Variants in UNC13C observed in about 807,000 individuals in gnomAD.
UNC13C encodes the protein protein unc-13 homolog C.
UNC13C carries 174 observed loss-of-function variants against 245.4 expected under a neutral mutation model. The observed-to-expected ratio is 0.71, with a 90% confidence interval of 0.63 to 0.80. UNC13C has a LOEUF of 0.80. Among genes scored for constraint, UNC13C ranks in the 30% least tolerant of loss-of-function variants. The probability of loss-of-function intolerance (pLI) is 0.00; values close to 1 mark genes in which losing one functional copy is unlikely to be tolerated. For missense variants in UNC13C, 2,829 were observed against 2,602.9 expected (o/e 1.09, Z -1.89); for synonymous variants, 992 against 895.1 (o/e 1.11, Z -1.93).
intron 5 of UNC13C, 35 bp from the exon 6 acceptor site, chr15:54,236,395 T>A: frequency 6.4e-7 from 1 of 1,552,362 alleles, no homozygotes; most frequent in Non-Finnish European, 8.8e-7. Flanking sequence ...TCTAATTATT[T>A]ACATTTTGTT....
the UNC13C span, among the ~76,000 whole-genome samples, chr15:53,861,373 T>C: frequency 6.6e-6 from 1 of 152,200 alleles, no homozygotes; most frequent in Non-Finnish European, 1.5e-5. Flanking sequence ...TAAAAGATAA[T>C]GGTATTAAAT....
rs781435801 is a variant in UNC13C at position 54,494,612 on chromosome 15, T to C, written c.4938T>C (p.His1646=). The C allele has an allele frequency of 3.0e-5, 49 of 1,607,008 alleles. 3 individuals carry two copies. In the South Asian group the frequency reaches 5.5e-4, roughly 18 times the overall value. The change falls in exon 20 of 33, where the codon CAT becomes CAC. Residue 1646 remains histidine, a synonymous_variant. Coordinates refer to ENST00000260323, the MANE Select transcript of UNC13C (RefSeq NM_001080534.3). ...ATTTAATTTTATCTGTTATAGAACA[T>C]GAAAATCAGCGGTTATGCAAGAGCA... The part of the protein sequence containing the change: ...ALDMKYALEE[H]ENQRLCKSTD...
At chr15:54,508,252 CT>C (rs1447356259) in intron 23 of UNC13C, among the ~76,000 whole-genome samples, 1 of 150,292 alleles carries the variant, frequency 6.7e-6, no homozygotes. Flanking sequence ...AAAACAGTAT[CT>C]GATAATTTCA....
At chr15:53,917,088 C>T in the UNC13C span, among the ~76,000 whole-genome samples, 1 of 152,158 alleles carries the variant, frequency 6.6e-6, no homozygotes, top group Non-Finnish European at 1.5e-5. Context: ...TATGACAGTC[C>T]AATCCTGGTG....
At chr15:54,617,547 C>A (rs1267183414) in intron 30 of UNC13C, among the ~76,000 whole-genome samples, 1 of 152,016 alleles carries the variant, frequency 6.6e-6, no homozygotes, top group Non-Finnish European at 1.5e-5. Flanking sequence ...CTTACAAGAT[C>A]TTATACCTGA....
intron 2 of UNC13C, among the ~76,000 whole-genome samples, chr15:54,076,380 T>G (rs1183065600): frequency 1.3e-5 from 2 of 151,328 alleles, no homozygotes; most frequent in Non-Finnish European, 2.9e-5. Context: ...GTTCTTGCGA[T>G]AGTTTACTGA....
intron 17 of UNC13C, among the ~76,000 whole-genome samples, chr15:54,353,055 G>T (rs185470001): frequency 6.6e-6 from 1 of 151,984 alleles, no homozygotes; most frequent in Admixed American, 6.6e-5. Context: ...ACAGGAAAAA[G>T]GATTTAAATG....
At chr15:54,618,961 AT>A (rs1281023681) in intron 30 of UNC13C, among the ~76,000 whole-genome samples, 2 of 152,208 alleles carry the variant, frequency 1.3e-5, no homozygotes, top group East Asian at 3.9e-4. Context: ...ATACAGGGAA[AT>A]TTAAAATACA....
chr15:54,035,297 T>A (rs541590627), intron 2 of UNC13C, among the ~76,000 whole-genome samples: 11 of 152,368 alleles, frequency 7.2e-5, no homozygotes, highest in Middle Eastern at 3.4e-3. Flanking sequence ...CAGAATAGCA[T>A]GTTACATGAT....
the UNC13C span, among the ~76,000 whole-genome samples, chr15:53,862,329 G>A: frequency 6.6e-6 from 1 of 151,982 alleles, no homozygotes; most frequent in Non-Finnish European, 1.5e-5. Context: ...AAAATTACAA[G>A]TTTTTTTCTA....
chr15:54,297,888 G>T lies in UNC13C; in HGVS notation c.4066G>T (p.Val1356Phe), dbSNP rs576816444. Residue 1356 changes from valine (V) to phenylalanine (F), a missense_variant, in exon 12 of 33, where the codon GTT becomes TTT. Transcript: ENST00000260323. The part of the protein sequence containing the change: ...INVEIKGEEK[V>F]APYHIQYTCL... ...TGTGGAGATAAAAGGAGAAGAGAAGGTTGCTCCATATCATATTCAATATAC... is the reference window on the plus strand; with the variant it reads ...TGTGGAGATAAAAGGAGAAGAGAAGTTTGCTCCATATCATATTCAATATAC... 1.9e-6 allele frequency: 3 copies of T among 1,608,898 alleles called. No homozygotes were observed. In the African/African-American group the frequency reaches 4.0e-5, roughly 21 times the overall value.
the UNC13C span, among the ~76,000 whole-genome samples, chr15:53,857,150 T>C: frequency 8.3e-4 from 126 of 152,222 alleles, no homozygotes; most frequent in Non-Finnish European, 1.2e-3. Flanking sequence ...ACTTTCCTTT[T>C]TGTGCCCATG....
At chr15:54,257,069 G>T (rs1465873484) in intron 8 of UNC13C, among the ~76,000 whole-genome samples, 1 of 152,204 alleles carries the variant, frequency 6.6e-6, no homozygotes, top group Non-Finnish European at 1.5e-5. Context: ...CTAGAAGTCA[G>T]AGTCTAGTTA....
chr15:53,873,921 TTTCTTCCTTCCTTCCTTCCTTCC>T, the UNC13C span, among the ~76,000 whole-genome samples: 4 of 20,386 alleles, frequency 2.0e-4, no homozygotes, highest in Admixed American at 1.6e-3. Flanking sequence ...CCTTCCTTCC[TTTCTTCCTTCCTTCCTTCCTTCC>T]TTCCTTCCTT....
At chr15:54,212,189 A>T (rs2034901197) in intron 4 of UNC13C, among the ~76,000 whole-genome samples, 1 of 152,094 alleles carries the variant, frequency 6.6e-6, no homozygotes, top group Admixed American at 6.6e-5. Flanking sequence ...CCCAAGGTGA[A>T]ATAATCACAA....
intron 13 of UNC13C, among the ~76,000 whole-genome samples, chr15:54,304,981 T>C (rs1395225951): frequency 1.3e-5 from 2 of 152,082 alleles, no homozygotes; most frequent in African/African-American, 4.8e-5. Context: ...ATAATTGTAA[T>C]CTGTAATTAT....
intron 28 of UNC13C, among the ~76,000 whole-genome samples, chr15:54,551,816 A>G (rs563718734): frequency 1.6e-3 from 236 of 152,110 alleles, no homozygotes; most frequent in Middle Eastern, 3.4e-3. Context: ...TGAATTACAG[A>G]GCAATAAATC....
intron 13 of UNC13C, among the ~76,000 whole-genome samples, chr15:54,314,983 C>T (rs541904822): frequency 3.3e-5 from 5 of 151,616 alleles, no homozygotes; most frequent in Admixed American, 2.6e-4. Context: ...GTGAAGTGGT[C>T]GTTCTTAATG....
At chr15:54,433,064 T>A (rs762080466) in intron 19 of UNC13C, among the ~76,000 whole-genome samples, 95 of 152,066 alleles carry the variant, frequency 6.2e-4, no homozygotes, top group Middle Eastern at 6.8e-3. Context: ...AATCCCTGAA[T>A]AGACTAATAA....
Sources: allele counts gnomAD v4.1 joint callset (sites outside exome capture counted in the v4.1 genomes callset), GRCh38; gene constraint gnomAD v4.1.1; transcripts MANE v1.5; gene names NCBI Gene and HGNC (gene_info 2026-07-23, HGNC 2026-07-21).